GPALPP1: variants seen among roughly 807,000 people sequenced by gnomAD.
GPALPP1 encodes GPALPP motifs-containing protein 1.
Under a neutral mutation model 38.9 loss-of-function variants are expected in GPALPP1, and 30 were observed. The ratio of observed to expected loss-of-function variants is 0.77; its 90% CI spans 0.58 to 1.05. The LOEUF (loss-of-function observed/expected upper bound fraction) is 1.05. Among genes scored for constraint, GPALPP1 ranks in the 50% least tolerant of loss-of-function variants. GPALPP1 has a pLI of 0.00. For synonymous variants in GPALPP1, 120 were observed against 139.2 expected (o/e 0.86, Z 0.97); for missense variants, 384 against 408.8 (o/e 0.94, Z 0.52).
rs1279134443 is a variant in GPALPP1, at chr13:45,029,332, T to C, written c.*1329T>C. On this transcript the variant is annotated 3_prime_UTR_variant, in exon 8 of 8. Transcript: ENST00000379151. ...GGCTTCTTAAGATTAGAGATTACTTTAATCTTAAAAAACATACAAATTTAC... is the reference window on the plus strand; with the variant it reads ...GGCTTCTTAAGATTAGAGATTACTTCAATCTTAAAAAACATACAAATTTAC... The C allele has an allele frequency of 6.6e-6, 1 of 152,232 alleles. No individual in the cohort carries two copies. The highest frequency in any genetic ancestry group is 1.5e-5 in the Non-Finnish European group (1 of 68,044). The allele number at this position is 152,232 out of a possible 1,614,324, so 9.4% of individuals were successfully genotyped here.
chr13:45,006,181 G>C, intron 2 of GPALPP1, 21 bp from the exon 3 acceptor site: 1 of 1,467,240 alleles, frequency 6.8e-7, no homozygotes, highest in Non-Finnish European at 9.4e-7. Flanking sequence ...TATGCATAAA[G>C]TTATACTACT....
At chr13:44,991,591 T>C (rs1478207044) in intron 1 of GPALPP1, among the ~76,000 whole-genome samples, 1 of 152,264 alleles carries the variant, frequency 6.6e-6, no homozygotes, top group African/African-American at 2.4e-5. Flanking sequence ...CCTAGATGGC[T>C]GAACCTAAAA....
chr13:45,020,805 CA>C (rs112675745), intron 7 of GPALPP1, among the ~76,000 whole-genome samples: 7,481 of 152,086 alleles, frequency 0.049, 272 homozygotes, highest in East Asian at 0.12. Context: ...CACTATGTTG[CA>C]TATATTTTTG....
At chr13:45,011,286 G>A (rs1874458141) in intron 4 of GPALPP1, among the ~76,000 whole-genome samples, 1 of 152,186 alleles carries the variant, frequency 6.6e-6, no homozygotes, top group Admixed American at 6.5e-5. Flanking sequence ...TTCATGATCA[G>A]TAACATGCAG....
rs1289053695 is a variant in GPALPP1 at position 45,029,350 on chromosome 13, A to C, written c.*1347A>C. 1.3e-5 allele frequency: 2 copies of C among 152,218 alleles called. No individual in the cohort carries two copies. Among genetic ancestry groups the C allele is most frequent in the African/African-American group, 4.8e-5 (2 of 41,452 alleles). 9.4% of individuals were successfully genotyped at this position (152,218 alleles called of 1,614,324 possible). ...ATTACTTTAATCTTAAAAAACATAC[A>C]AATTTACCTTGTTCTGTATGTCCTT... On this transcript the variant is annotated 3_prime_UTR_variant, in exon 8 of 8. Coordinates refer to ENST00000379151, the MANE Select transcript of GPALPP1 (RefSeq NM_018559.5).
chr13:45,011,586 A>ACT (rs1376199403), intron 4 of GPALPP1, among the ~76,000 whole-genome samples: 1 of 152,088 alleles, frequency 6.6e-6, no homozygotes, highest in Non-Finnish European at 1.5e-5. Context: ...GTGAGAACAA[A>ACT]CTCACTATCA....
At chr13:44,997,842 C>T (rs1031453299) in intron 1 of GPALPP1, among the ~76,000 whole-genome samples, 1 of 152,112 alleles carries the variant, frequency 6.6e-6, no homozygotes, top group African/African-American at 2.4e-5. Flanking sequence ...AACAAAAGCC[C>T]AGCCCTGGAT....
Position 45,015,470 on chromosome 13 carries a change from T to C in GPALPP1, c.579T>C (p.Thr193=). The change falls in exon 6 of 8, where the codon ACT becomes ACC. Residue 193 remains threonine, a synonymous_variant. Coordinates refer to ENST00000379151, the MANE Select transcript of GPALPP1 (RefSeq NM_018559.5). Reference sequence around the variant, plus strand: ...CCATTGTAAGAGAGTCATGGATGACTGAACTTCCTCCAGAAATGAAAGACT... The same window carrying C: ...CCATTGTAAGAGAGTCATGGATGACCGAACTTCCTCCAGAAATGAAAGACT... ...SKPIVRESWM[T]ELPPEMKDFG... is the part of the protein sequence containing the mutation. 1 of 1,605,770 alleles carries C rather than the reference T, an allele frequency of 6.2e-7. No homozygotes were observed. The highest frequency in any genetic ancestry group is 8.5e-7 in the Non-Finnish European group (1 of 1,176,148).
Position 45,029,915 on chromosome 13 carries a change from T to C in GPALPP1, c.*1912T>C, listed in dbSNP as rs1010075038. 1 of 152,202 alleles carries C rather than the reference T, an allele frequency of 6.6e-6. No homozygotes were observed. The highest frequency in any genetic ancestry group is 1.5e-5 in the Non-Finnish European group (1 of 68,028). The allele number at this position is 152,202 out of a possible 1,614,324, so 9.4% of individuals were successfully genotyped here. ...TAGGGGAGGCAATCAAGATAAGATA[T>C]GCCATTAACTGTTAGCATTGTGAAA... On this transcript the variant is annotated 3_prime_UTR_variant, in exon 8 of 8. Coordinates refer to ENST00000379151, the MANE Select transcript of GPALPP1 (RefSeq NM_018559.5).
At position 45,020,401 on chromosome 13, in the gene GPALPP1, A is replaced by C; in HGVS notation, c.777A>C (p.Arg259Ser). 6.8e-7 allele frequency: 1 copy of C among 1,480,584 alleles called. No individual in the cohort carries two copies. The highest frequency in any genetic ancestry group is 9.4e-7 in the Non-Finnish European group (1 of 1,059,126). 91.7% of individuals were successfully genotyped at this position (1,480,584 alleles called of 1,614,324 possible). A position where few individuals can be genotyped will look rare whatever the true frequency, so the allele number is the denominator to read the frequency against. ...ATATATTATCAGGAAGAGATAAGAGACTGGCTGAGCAGGTATCTTCATACA... is the reference window on the plus strand; with the variant it reads ...ATATATTATCAGGAAGAGATAAGAGCCTGGCTGAGCAGGTATCTTCATACA... ...EEHILSGRDK[R>S]LAEQVSSYNE... The change falls in exon 7 of 8, where the codon AGA becomes AGC. Residue 259 changes from arginine (R) to serine (S), a missense_variant. Coordinates refer to ENST00000379151, the MANE Select transcript of GPALPP1 (RefSeq NM_018559.5).
chr13:45,014,034 A>C (rs180850429), intron 4 of GPALPP1, among the ~76,000 whole-genome samples: 9 of 152,232 alleles, frequency 5.9e-5, no homozygotes, highest in Non-Finnish European at 1.2e-4. Context: ...AACGTAAGTG[A>C]TACTTATTTC....
At chr13:44,999,173 T>G (rs1158860660) in intron 1 of GPALPP1, among the ~76,000 whole-genome samples, 1 of 152,034 alleles carries the variant, frequency 6.6e-6, no homozygotes, top group Admixed American at 6.6e-5. Context: ...TTCATCGGAG[T>G]TCAAGTTAGC....
At chr13:45,005,934 G>A (rs750944022) in intron 2 of GPALPP1, among the ~76,000 whole-genome samples, 10 of 152,016 alleles carry the variant, frequency 6.6e-5, no homozygotes, top group Non-Finnish European at 1.3e-4. Context: ...GCTGAGGCAG[G>A]AGAATTGCTT....
chr13:44,997,356 C>G (rs1873366925), intron 1 of GPALPP1, among the ~76,000 whole-genome samples: 1 of 152,062 alleles, frequency 6.6e-6, no homozygotes, highest in Non-Finnish European at 1.5e-5. Flanking sequence ...GGAAAATGTC[C>G]CCCAACGTCA....
At chr13:45,020,677 T>C (rs1326932807) in intron 7 of GPALPP1, among the ~76,000 whole-genome samples, 1 of 151,668 alleles carries the variant, frequency 6.6e-6, no homozygotes, top group Non-Finnish European at 1.5e-5. Context: ...GCAAAATATA[T>C]AGCCTTTTTT....
chr13:45,029,152 A>C lies in GPALPP1; in HGVS notation c.*1149A>C, dbSNP rs1034121749. 1.3e-5 allele frequency: 2 copies of C among 152,194 alleles called. No homozygotes were observed. The highest frequency in any genetic ancestry group is 4.8e-5 in the African/African-American group (2 of 41,462). 9.4% of individuals were successfully genotyped at this position (152,194 alleles called of 1,614,324 possible). A position where few individuals can be genotyped will look rare whatever the true frequency, so the allele number is the denominator to read the frequency against. ...TGATTTTTAATTGTATTAAACCTAT[A>C]TCAATATTCAAATGTGATTTTTGAG... On this transcript the variant is annotated 3_prime_UTR_variant, in exon 8 of 8. Transcript: ENST00000379151.
At chr13:45,005,570 A>G (rs1301370901) in intron 2 of GPALPP1, among the ~76,000 whole-genome samples, 1 of 152,204 alleles carries the variant, frequency 6.6e-6, no homozygotes, top group Non-Finnish European at 1.5e-5. Context: ...ACAGTCATAA[A>G]CTTTTTACTG....
At chr13:45,007,928 T>G (rs1874210184) in intron 3 of GPALPP1, among the ~76,000 whole-genome samples, 1 of 152,224 alleles carries the variant, frequency 6.6e-6, no homozygotes, top group Admixed American at 6.5e-5. Flanking sequence ...TAAGGCTGTC[T>G]CCTTTTAAGA....
At position 45,004,724 on chromosome 13, in the gene GPALPP1, T is replaced by A. The variant is rs151023489; in HGVS notation, c.221+287T>A. Among the ~76,000 whole-genome samples the A allele has an allele frequency of 9.8e-5, 15 of 152,340 alleles. No homozygotes were observed. In the East Asian group the frequency reaches 2.9e-3, roughly 29 times the overall value. ...GTGATGTGGCACGATCTTGGCTCAC[T>A]GCAGCCTCTGCCTCCCAAGCTCAAG... On this transcript the variant is annotated intron_variant, in intron 2 of 7. Coordinates refer to ENST00000379151, the MANE Select transcript of GPALPP1 (RefSeq NM_018559.5).
Sources: gnomAD v4.1 joint callset for allele counts (sites outside exome capture counted in the v4.1 genomes callset) on GRCh38, gnomAD v4.1.1 for gene constraint, MANE v1.5 for transcripts, NCBI Gene and HGNC (gene_info 2026-07-23, HGNC 2026-07-21) for gene names.